Variants in BAZ1A observed in about 807,000 individuals in gnomAD.
The protein encoded by BAZ1A is bromodomain adjacent to zinc finger domain protein 1A.
In BAZ1A, 50 loss-of-function variants were observed where a neutral mutation model predicts 185.2. The ratio of observed to expected loss-of-function variants is 0.27; its 90% CI spans 0.22 to 0.34. BAZ1A has a LOEUF of 0.34. BAZ1A is among the 10% of genes least tolerant of loss of function. The pLI, the probability that BAZ1A is intolerant of heterozygous loss-of-function variation, is 1.00. For synonymous variants in BAZ1A, 571 were observed against 615.6 expected (o/e 0.93, Z 1.07); for missense variants, 1,356 against 1,839.9 (o/e 0.74, Z 4.81).
intron 21 of BAZ1A, among the ~76,000 whole-genome samples, chr14:34,768,169 T>C (rs760427500): frequency 2.0e-5 from 3 of 152,124 alleles, no homozygotes; most frequent in Non-Finnish European, 2.9e-5. Flanking sequence ...AATTCCTCCA[T>C]AAATTATTAA....
intron 3 of BAZ1A, among the ~76,000 whole-genome samples, chr14:34,853,185 T>C (rs2138794825): frequency 6.6e-6 from 1 of 152,334 alleles, no homozygotes; most frequent in Middle Eastern, 3.4e-3. Flanking sequence ...ACTTCCAATT[T>C]AGTGTTCCTG....
chr14:34,774,175 G>A, intron 19 of BAZ1A, 152 bp downstream of exon 19: 1 of 560,152 alleles, frequency 1.8e-6, no homozygotes, highest in Non-Finnish European at 2.9e-6. Context: ...TTTTTATGCA[G>A]GGGAATAAAC....
At chr14:34,755,742 A>G (rs1343653213) in intron 25 of BAZ1A, among the ~76,000 whole-genome samples, 1 of 151,924 alleles carries the variant, frequency 6.6e-6, no homozygotes, top group Admixed American at 6.6e-5. Flanking sequence ...ATATATATAT[A>G]TAACCTAACT....
chr14:34,826,877 C>T (rs953302192), intron 3 of BAZ1A, among the ~76,000 whole-genome samples: 10 of 152,148 alleles, frequency 6.6e-5, no homozygotes, highest in Admixed American at 3.3e-4. Context: ...GGAAGATTCT[C>T]CCTCAATGGG....
At chr14:34,802,717 A>G in intron 7 of BAZ1A, 137 bp downstream of exon 7, 1 of 853,942 alleles carries the variant, frequency 1.2e-6, no homozygotes. Context: ...CATATAGTAC[A>G]CACTTACATA....
intron 4 of BAZ1A, among the ~76,000 whole-genome samples, chr14:34,812,283 A>G (rs8005346): frequency 0.062 from 9,496 of 152,206 alleles, 395 homozygotes; most frequent in Non-Finnish European, 0.097. Context: ...GGGGAAATGA[A>G]TTTTTTAAAA....
intron 6 of BAZ1A, among the ~76,000 whole-genome samples, chr14:34,803,283 G>A (rs1012300971): frequency 7.9e-5 from 12 of 151,308 alleles, no homozygotes; most frequent in African/African-American, 2.9e-4. Flanking sequence ...GGAGGCTGAG[G>A]CAGGAGAATC....
chr14:34,864,646 A>G (rs2042825411), intron 2 of BAZ1A, among the ~76,000 whole-genome samples: 1 of 149,050 alleles, frequency 6.7e-6, no homozygotes, highest in Non-Finnish European at 1.5e-5. Context: ...ACACCCAGCT[A>G]ATTTTTGTAT....
At chr14:34,785,264 A>T (rs1880365378) in intron 14 of BAZ1A, among the ~76,000 whole-genome samples, 1 of 152,348 alleles carries the variant, frequency 6.6e-6, no homozygotes, top group Middle Eastern at 3.4e-3. Context: ...AAAAGACTGC[A>T]CAAAAAAACC....
chr14:34,774,509 A>T lies in BAZ1A; in HGVS notation c.2834-19T>A. ...GGTTTGTCTGAAATAGTAATCAAAT[A>T]CTTTTATTATGATTTTCTTATTAAA... On this transcript the variant is annotated intron_variant, in intron 18 of 26. Coordinates refer to ENST00000360310, the MANE Select transcript of BAZ1A (RefSeq NM_013448.3). 1 of 1,521,634 alleles carries T rather than the reference A, an allele frequency of 6.6e-7. No homozygotes were observed. The allele number at this position is 1,521,634 out of a possible 1,614,324, so 94.3% of individuals were successfully genotyped here.
chr14:34,846,419 T>C (rs1202047712), intron 3 of BAZ1A, among the ~76,000 whole-genome samples: 2 of 152,242 alleles, frequency 1.3e-5, no homozygotes, highest in Non-Finnish European at 2.9e-5. Context: ...ATTAGACAGA[T>C]GCTCCTGATA....
At chr14:34,864,680 C>G (rs1340228341) in intron 2 of BAZ1A, among the ~76,000 whole-genome samples, 1 of 151,308 alleles carries the variant, frequency 6.6e-6, no homozygotes, top group East Asian at 2.0e-4. Flanking sequence ...GGGGTTTCAC[C>G]ATGTTGGTCT....
At chr14:34,787,796 A>C (rs1398229652) in intron 12 of BAZ1A, among the ~76,000 whole-genome samples, 17 of 152,246 alleles carry the variant, frequency 1.1e-4, no homozygotes, top group Admixed American at 1.1e-3. Context: ...ACTAAACAGC[A>C]AATCTACTGG....
intron 4 of BAZ1A, among the ~76,000 whole-genome samples, chr14:34,825,712 C>T (rs1322298871): frequency 6.6e-6 from 1 of 151,784 alleles, no homozygotes; most frequent in Admixed American, 6.6e-5. Context: ...CCGAGGCAGG[C>T]AGATCACCTG....
At chr14:34,840,953 T>C (rs578222239) in intron 3 of BAZ1A, among the ~76,000 whole-genome samples, 2 of 97,820 alleles carry the variant, frequency 2.0e-5, no homozygotes, top group South Asian at 8.2e-4. Flanking sequence ...ACAAAATCAA[T>C]ATTTTTTTTT....
rs114998422 is a variant in BAZ1A, at chr14:34,838,200, T to C, written c.393-12044A>G. Among the ~76,000 whole-genome samples the C allele has an allele frequency of 2.2e-3, 341 of 152,362 alleles. 1 individual carries two copies. Among genetic ancestry groups the C allele is most frequent in the African/African-American group, 7.6e-3 (315 of 41,582 alleles). On this transcript the variant is annotated intron_variant, in intron 3 of 26. Transcript: ENST00000360310. ...TATGCCATTAAACACTTCCGTTATATGCATCCAAGGCAAATCCTGCTGTTA... is the reference window on the plus strand; with the variant it reads ...TATGCCATTAAACACTTCCGTTATACGCATCCAAGGCAAATCCTGCTGTTA...
At chr14:34,821,969 A>G (rs1473465206) in intron 4 of BAZ1A, among the ~76,000 whole-genome samples, 1 of 151,294 alleles carries the variant, frequency 6.6e-6, no homozygotes, top group Non-Finnish European at 1.5e-5. Context: ...GCCCAACAAG[A>G]GCAAAACCCC....
In BAZ1A at chr14:34,815,639, T is replaced by A. The variant is rs989979086; in HGVS notation, c.537-4603A>T. Among the ~76,000 whole-genome samples, 7 of 152,346 alleles carry A rather than the reference T, an allele frequency of 4.6e-5. No homozygotes were observed. In the East Asian group the frequency reaches 1.3e-3, roughly 29 times the overall value. ...GCCTAGTTATATATGTAAATTTTAA[T>A]TCTACTTTGATTTTACCATAATGGG... On this transcript the variant is annotated intron_variant, in intron 4 of 26. Transcript: ENST00000360310.
chr14:34,795,869 C>T, intron 9 of BAZ1A, 104 bp from the exon 10 acceptor site: 1 of 770,038 alleles, frequency 1.3e-6, no homozygotes. Context: ...GGACCTTACC[C>T]CATACCTACT....
Sources: gnomAD v4.1 joint callset for allele counts (sites outside exome capture counted in the v4.1 genomes callset) on GRCh38, gnomAD v4.1.1 for gene constraint, MANE v1.5 for transcripts, NCBI Gene and HGNC (gene_info 2026-07-23, HGNC 2026-07-21) for gene names.